Variants in IQCK observed in about 807,000 individuals in gnomAD.
IQCK encodes the protein IQ domain-containing protein K.
IQCK carries 29 observed loss-of-function variants against 28.1 expected under a neutral mutation model. The observed-to-expected ratio is 1.03, with a 90% CI of 0.77 to 1.41. The LOEUF (loss-of-function observed/expected upper bound fraction) is 1.41. Among genes scored for constraint, IQCK ranks in the 40% most tolerant of loss-of-function variants. The pLI, the probability that IQCK is intolerant of heterozygous loss-of-function variation, is 0.00. For synonymous variants in IQCK, 113 were observed against 115.1 expected (o/e 0.98, Z 0.12); for missense variants, 359 against 314.7 (o/e 1.14, Z -1.07).
chr16:19,848,273 A>G (rs951993876), intron 9 of IQCK, among the ~76,000 whole-genome samples: 1 of 152,082 alleles, frequency 6.6e-6, no homozygotes, highest in Non-Finnish European at 1.5e-5. Context: ...TTATGTGCTT[A>G]TCAGCCATTG....
intron 6 of IQCK, among the ~76,000 whole-genome samples, chr16:19,785,622 G>A (rs1245853904): frequency 6.6e-6 from 1 of 152,178 alleles, no homozygotes; most frequent in Non-Finnish European, 1.5e-5. Context: ...TGTTTGCATA[G>A]AAGTCTTTGT....
At chr16:19,732,153 A>C (rs534102957) in intron 2 of IQCK, among the ~76,000 whole-genome samples, 1 of 152,090 alleles carries the variant, frequency 6.6e-6, no homozygotes, top group Non-Finnish European at 1.5e-5. Context: ...ATAGATCTCC[A>C]CTCAGTCCAC....
chr16:19,728,259 AT>A (rs1977721934), intron 1 of IQCK, among the ~76,000 whole-genome samples: 1 of 151,842 alleles, frequency 6.6e-6, no homozygotes, highest in Admixed American at 6.6e-5. Flanking sequence ...ATTCTTTTTT[AT>A]TTTTTTGAGA....
At chr16:19,731,629 TAA>T (rs1233486583) in intron 2 of IQCK, among the ~76,000 whole-genome samples, 1 of 152,242 alleles carries the variant, frequency 6.6e-6, no homozygotes, top group African/African-American at 2.4e-5. Flanking sequence ...TTGACCCGTA[TAA>T]AGAGATTTGA....
chr16:19,756,821 C>T (rs952595816), intron 4 of IQCK, among the ~76,000 whole-genome samples: 47 of 149,012 alleles, frequency 3.2e-4, no homozygotes, highest in Admixed American at 1.1e-3. Flanking sequence ...GGCGTGAACC[C>T]GGGAGGCAGA....
intron 6 of IQCK, among the ~76,000 whole-genome samples, chr16:19,781,558 G>C (rs998937613): frequency 1.3e-5 from 2 of 152,194 alleles, no homozygotes; most frequent in African/African-American, 4.8e-5. Flanking sequence ...GGAGCTGTTC[G>C]TATGTTCACA....
At chr16:19,844,602 TA>T (rs2056395220) in intron 9 of IQCK, among the ~76,000 whole-genome samples, 1 of 152,232 alleles carries the variant, frequency 6.6e-6, no homozygotes, top group Non-Finnish European at 1.5e-5. Flanking sequence ...TGTTTGTAGA[TA>T]AATGTATTTC....
intron 7 of IQCK, among the ~76,000 whole-genome samples, chr16:19,806,067 G>A (rs1430902554): frequency 6.6e-6 from 1 of 152,128 alleles, no homozygotes; most frequent in East Asian, 1.9e-4. Flanking sequence ...TATTTTAGAT[G>A]GTGAATTTGG....
At chr16:19,742,367 C>T (rs114909209) in intron 4 of IQCK, among the ~76,000 whole-genome samples, 190 of 152,294 alleles carry the variant, frequency 1.2e-3, no homozygotes, top group African/African-American at 4.4e-3. Context: ...CCCCCGTCCC[C>T]GGTCATCTAG....
intron 9 of IQCK, among the ~76,000 whole-genome samples, chr16:19,847,904 G>C (rs555717449): frequency 2.7e-3 from 408 of 152,326 alleles, no homozygotes; most frequent in Middle Eastern, 6.8e-3. Flanking sequence ...CTGGGCTTGA[G>C]CCATCCTCCA....
chr16:19,765,902 AATAACCTTAAAAATAAG>A (rs1195192478), intron 6 of IQCK: 1 of 152,212 alleles, frequency 6.6e-6, no homozygotes, highest in African/African-American at 2.4e-5. Flanking sequence ...ACCAATGAAA[AATAACCTTAAAAATAAG>A]ATAACTTCTC....
At chr16:19,819,464 GC>G (rs1483369015) in intron 7 of IQCK, 1 of 152,074 alleles carries the variant, frequency 6.6e-6, no homozygotes, top group East Asian at 1.9e-4. Context: ...CTGTACTCCA[GC>G]CTGGGTGACA....
intron 1 of IQCK, among the ~76,000 whole-genome samples, chr16:19,727,622 A>G (rs1407928483): frequency 7.0e-6 from 1 of 143,312 alleles, no homozygotes; most frequent in Admixed American, 6.9e-5. Flanking sequence ...GGTTGGATCT[A>G]TGCCATATCT....
At chr16:19,803,818 A>G (rs1325507485) in intron 7 of IQCK, among the ~76,000 whole-genome samples, 1 of 151,992 alleles carries the variant, frequency 6.6e-6, no homozygotes, top group Non-Finnish European at 1.5e-5. Flanking sequence ...ACAAACAGCT[A>G]ATTTTTTTTG....
chr16:19,805,082 C>T (rs2055817106), intron 7 of IQCK, among the ~76,000 whole-genome samples: 1 of 152,048 alleles, frequency 6.6e-6, no homozygotes, highest in Non-Finnish European at 1.5e-5. Flanking sequence ...TGTGTGAGCT[C>T]ATTAGCCCTG....
chr16:19,731,221 G>T (rs1327976140), intron 2 of IQCK, among the ~76,000 whole-genome samples: 1 of 152,148 alleles, frequency 6.6e-6, no homozygotes, highest in Non-Finnish European at 1.5e-5. Context: ...AAGGAGAGAG[G>T]GCTAAGGACA....
intron 7 of IQCK, among the ~76,000 whole-genome samples, chr16:19,819,092 A>G (rs1236525751): frequency 1.3e-5 from 2 of 152,190 alleles, no homozygotes; most frequent in Non-Finnish European, 2.9e-5. Context: ...CAGAGAGATG[A>G]AGTGTTAAAG....
At chr16:19,836,452 C>A (rs1306968787) in intron 9 of IQCK, among the ~76,000 whole-genome samples, 9 of 152,196 alleles carry the variant, frequency 5.9e-5, no homozygotes, top group Admixed American at 3.3e-4. Context: ...AAGATCCCTA[C>A]TGTTCTGAGA....
intron 9 of IQCK, among the ~76,000 whole-genome samples, chr16:19,840,431 T>C (rs1197602870): frequency 2.0e-5 from 3 of 152,190 alleles, no homozygotes; most frequent in Non-Finnish European, 2.9e-5. Flanking sequence ...TGATTATCTC[T>C]GGGTGGTTGT....
Sources: allele counts gnomAD v4.1 joint callset (sites outside exome capture counted in the v4.1 genomes callset), GRCh38; gene constraint gnomAD v4.1.1; transcripts MANE v1.5; gene names NCBI Gene and HGNC (gene_info 2026-07-23, HGNC 2026-07-21).